Variants in PRKCQ observed in about 807,000 individuals in gnomAD.
PRKCQ encodes the protein protein kinase C theta.
Under a neutral mutation model 91.2 loss-of-function variants are expected in PRKCQ, and 41 were observed. The ratio of observed to expected loss-of-function variants is 0.45; its 90% CI spans 0.35 to 0.58. The LOEUF is 0.58. Ranked by LOEUF, PRKCQ falls within the 20% of genes least tolerant of loss-of-function variation. PRKCQ has a pLI of 0.00. For synonymous variants in PRKCQ, 307 were observed against 316.9 expected, an observed-to-expected ratio of 0.97 and a Z score of 0.33; for missense variants, 673 against 896.5, an observed-to-expected ratio of 0.75 and a Z score of 3.18.
At chr10:6,419,932 G>T in the PRKCQ span, among the ~76,000 whole-genome samples, 1 of 151,842 alleles carries the variant, frequency 6.6e-6, no homozygotes, top group Non-Finnish European at 1.5e-5. Context: ...CAGATGATCT[G>T]CCCTCCTTGG....
chr10:6,570,135 T>A (rs917492160), intron 1 of PRKCQ, among the ~76,000 whole-genome samples: 2 of 151,934 alleles, frequency 1.3e-5, no homozygotes, highest in Non-Finnish European at 2.9e-5. Context: ...TCACGGCACA[T>A]CTGGTTGCAG....
intron 12 of PRKCQ, among the ~76,000 whole-genome samples, chr10:6,467,610 C>T (rs1461107522): frequency 1.3e-5 from 2 of 152,236 alleles, no homozygotes; most frequent in East Asian, 1.9e-4. Context: ...ATGCCAAACG[C>T]GTCCCAGTCT....
the PRKCQ span, among the ~76,000 whole-genome samples, chr10:6,395,198 GGACTACAGGTGCCTGCCACC>G: frequency 6.6e-6 from 1 of 151,744 alleles, no homozygotes; most frequent in East Asian, 1.9e-4. Flanking sequence ...CGAGTAGCTG[GGACTACAGGTGCCTGCCACC>G]GTGCCCGGCT....
chr10:6,403,745 G>A, the PRKCQ span, among the ~76,000 whole-genome samples: 2 of 152,024 alleles, frequency 1.3e-5, no homozygotes, highest in African/African-American at 4.8e-5. Context: ...ACAGCTAAAG[G>A]GTCTGCATGA....
chr10:6,464,543 G>A, intron 12 of PRKCQ, 139 bp from the exon 13 acceptor site: 9 of 660,092 alleles, frequency 1.4e-5, no homozygotes, highest in Non-Finnish European at 2.1e-5. Context: ...TCCGCCTCCT[G>A]GCTTCAAGAG....
intron 7 of PRKCQ, among the ~76,000 whole-genome samples, chr10:6,495,280 C>T (rs1837527546): frequency 6.6e-6 from 1 of 152,224 alleles, no homozygotes. Context: ...TCCAAAGAAA[C>T]CCCGCATGAC....
chr10:6,461,445 T>C (rs538071383), intron 14 of PRKCQ, among the ~76,000 whole-genome samples: 1 of 152,352 alleles, frequency 6.6e-6, no homozygotes, highest in East Asian at 1.9e-4. Flanking sequence ...TTCCTGAAGA[T>C]TAAAAAATTA....
chr10:6,551,356 A>G (rs1310509438), intron 1 of PRKCQ, among the ~76,000 whole-genome samples: 2 of 151,486 alleles, frequency 1.3e-5, no homozygotes, highest in East Asian at 3.9e-4. Flanking sequence ...GTGTCTGCAT[A>G]GTATTCCATG....
At chr10:6,402,163 G>A in the PRKCQ span, among the ~76,000 whole-genome samples, 2 of 151,896 alleles carry the variant, frequency 1.3e-5, no homozygotes. Context: ...ACGCATGGAC[G>A]CAGGGAGGGG....
Position 6,483,593 on chromosome 10 carries a change from C to G in PRKCQ, c.1026G>C (p.Gln342His). ...CCAACGGAGACTCCCAGGAAATGCC[C>G]TGAGGCTCTGAAAATGCAAGCTGGT... ...CLPTPGKREP[Q>H]GISWESPLDE... The change falls in exon 11 of 18, where the codon CAG (glutamine) becomes CAC (histidine). Residue 342 changes from glutamine (Q) to histidine (H), a missense_variant. Transcript: ENST00000263125. 6.2e-7 allele frequency: 1 copy of G among 1,613,566 alleles called. No homozygotes were observed. The highest frequency in any genetic ancestry group is 8.5e-7 in the Non-Finnish European group (1 of 1,179,894).
intron 1 of PRKCQ, among the ~76,000 whole-genome samples, chr10:6,528,851 GT>G (rs1400676240): frequency 2.6e-5 from 4 of 152,230 alleles, no homozygotes; most frequent in Non-Finnish European, 4.4e-5. Context: ...CAAAGGACAT[GT>G]TATGACTGTA....
At chr10:6,555,974 A>C (rs554300203) in intron 1 of PRKCQ, among the ~76,000 whole-genome samples, 1 of 152,344 alleles carries the variant, frequency 6.6e-6, no homozygotes, top group South Asian at 2.1e-4. Context: ...GTGCCACTGC[A>C]CTGAAGCCTG....
At chr10:6,578,035 ATACTT>A (rs1411882194) in intron 1 of PRKCQ, among the ~76,000 whole-genome samples, 3 of 152,254 alleles carry the variant, frequency 2.0e-5, no homozygotes, top group African/African-American at 2.4e-5. Context: ...TAGAATGAGA[ATACTT>A]TATAGAAATG....
At chr10:6,569,298 G>A (rs1397133399) in intron 1 of PRKCQ, among the ~76,000 whole-genome samples, 8 of 151,982 alleles carry the variant, frequency 5.3e-5, no homozygotes, top group Non-Finnish European at 1.2e-4. Context: ...GCTTTCCAGA[G>A]GACAAGAGAC....
chr10:6,448,495 G>A (rs547706649), intron 15 of PRKCQ, among the ~76,000 whole-genome samples: 5 of 151,736 alleles, frequency 3.3e-5, no homozygotes, highest in South Asian at 2.1e-4. Flanking sequence ...TGCAACCTCC[G>A]CCTCCCGGGT....
intron 1 of PRKCQ, among the ~76,000 whole-genome samples, chr10:6,547,883 G>A (rs1840024957): frequency 1.3e-5 from 2 of 150,356 alleles, no homozygotes; most frequent in African/African-American, 2.4e-5. Flanking sequence ...TTGACAAATG[G>A]GATCTAATTC....
intron 1 of PRKCQ, among the ~76,000 whole-genome samples, chr10:6,518,504 A>G (rs1838863045): frequency 6.6e-6 from 1 of 152,104 alleles, no homozygotes; most frequent in Non-Finnish European, 1.5e-5. Flanking sequence ...TTAAGCTGTA[A>G]AAAGAATTAT....
intron 12 of PRKCQ, among the ~76,000 whole-genome samples, chr10:6,476,620 C>A (rs918275475): frequency 6.6e-6 from 1 of 152,114 alleles, no homozygotes; most frequent in Non-Finnish European, 1.5e-5. Context: ...GTATTATTTT[C>A]TCTGACCATA....
At chr10:6,553,506 AAAAAAAAAAAACAAACAAACAAAAG>A (rs1467777633) in intron 1 of PRKCQ, among the ~76,000 whole-genome samples, 80 of 73,162 alleles carry the variant, frequency 1.1e-3, no homozygotes, top group African/African-American at 2.5e-3. Flanking sequence ...AAAAAAAAAA[AAAAAAAAAAAACAAACAAACAAAAG>A]AAGAAGAAGA....
Sources: gnomAD v4.1 joint callset for allele counts (sites outside exome capture counted in the v4.1 genomes callset) on GRCh38, gnomAD v4.1.1 for gene constraint, MANE v1.5 for transcripts, NCBI Gene and HGNC (gene_info 2026-07-23, HGNC 2026-07-21) for gene names.